Variants in CAMK2D observed in about 807,000 individuals in gnomAD.
The protein encoded by CAMK2D is calcium/calmodulin-dependent protein kinase type II subunit delta.
Under a neutral mutation model 84.0 loss-of-function variants are expected in CAMK2D, and 37 were observed. The ratio of observed to expected loss-of-function variants is 0.44; its 90% CI spans 0.34 to 0.58. The LOEUF (loss-of-function observed/expected upper bound fraction) is 0.58, where lower values mean the gene tolerates loss of function less well. CAMK2D is among the 20% of genes least tolerant of loss of function. CAMK2D has a pLI of 0.02. For synonymous variants in CAMK2D, 202 were observed against 212.5 expected, an observed-to-expected ratio of 0.95 and a Z score of 0.43; for missense variants, 448 against 652.5, an observed-to-expected ratio of 0.69 and a Z score of 3.41.
intron 2 of CAMK2D, among the ~76,000 whole-genome samples, chr4:113,730,593 G>A (rs1427813281): frequency 3.3e-5 from 5 of 152,116 alleles, no homozygotes; most frequent in Non-Finnish European, 7.4e-5. Context: ...AAACTACAAA[G>A]GAACCAAAAT....
At chr4:113,481,818 C>T (rs971145376) in intron 16 of CAMK2D, among the ~76,000 whole-genome samples, 5 of 152,080 alleles carry the variant, frequency 3.3e-5, no homozygotes, top group African/African-American at 1.2e-4. Context: ...AAAGATCTCA[C>T]AGAGAGGGTA....
intron 16 of CAMK2D, among the ~76,000 whole-genome samples, chr4:113,498,329 G>A (rs892877702): frequency 2.0e-5 from 3 of 152,110 alleles, no homozygotes; most frequent in Admixed American, 6.5e-5. Flanking sequence ...CAGTAAAAAT[G>A]ATGGGGCCTA....
chr4:113,731,801 G>T (rs57026829), intron 2 of CAMK2D, among the ~76,000 whole-genome samples: 4,523 of 152,142 alleles, frequency 0.03, 229 homozygotes, highest in African/African-American at 0.1. Flanking sequence ...GGTCAGGCTG[G>T]TCTCAAACTC....
At chr4:113,700,883 T>A (rs2099415640) in intron 2 of CAMK2D, among the ~76,000 whole-genome samples, 1 of 152,160 alleles carries the variant, frequency 6.6e-6, no homozygotes, top group Admixed American at 6.5e-5. Flanking sequence ...AGGAATAGAC[T>A]AAGGGAAAGG....
At chr4:113,616,813 A>G (rs2099023123) in intron 3 of CAMK2D, among the ~76,000 whole-genome samples, 1 of 152,186 alleles carries the variant, frequency 6.6e-6, no homozygotes, top group African/African-American at 2.4e-5. Context: ...TTAAGGGTAA[A>G]GTAAATAATA....
chr4:113,751,078 AG>A (rs1279723995), intron 2 of CAMK2D, among the ~76,000 whole-genome samples: 1 of 152,142 alleles, frequency 6.6e-6, no homozygotes, highest in Non-Finnish European at 1.5e-5. Context: ...GATGGTGAAA[AG>A]GAAGAAATGA....
chr4:113,736,735 G>A (rs1404138872), intron 2 of CAMK2D, among the ~76,000 whole-genome samples: 1 of 152,030 alleles, frequency 6.6e-6, no homozygotes, highest in Non-Finnish European at 1.5e-5. Context: ...CTAGTTAAGT[G>A]AAAAATAATT....
chr4:113,454,530 G>A lies in CAMK2D; in HGVS notation c.*30-15C>T. ...TTGAAATTTAGCTGAAAGGAGAAAG[G>A]GGGAGGAAGAAATAAATTATATTGT... is the stretch of plus-strand genomic sequence containing the variant. On this transcript the variant is annotated splice_polypyrimidine_tract_variant and intron_variant, in intron 20 of 20. Coordinates refer to ENST00000511664, the MANE Select transcript of CAMK2D (RefSeq NM_001321571.2). The A allele has an allele frequency of 5.1e-6, 4 of 778,132 alleles. No individual in the cohort carries two copies. The highest frequency in any genetic ancestry group is 2.4e-5 in the East Asian group (1 of 41,138). The allele number at this position is 778,132 out of a possible 1,614,324, so 48.2% of individuals were successfully genotyped here. A position where few individuals can be genotyped will look rare whatever the true frequency, so the allele number is the denominator to read the frequency against.
intron 2 of CAMK2D, among the ~76,000 whole-genome samples, chr4:113,721,016 C>T (rs1400150665): frequency 6.6e-6 from 1 of 152,066 alleles, no homozygotes; most frequent in East Asian, 1.9e-4. Context: ...CTGAAATACA[C>T]ATAAAAAACT....
intron 12 of CAMK2D, among the ~76,000 whole-genome samples, chr4:113,510,944 A>G (rs1302217596): frequency 6.6e-6 from 1 of 152,176 alleles, no homozygotes; most frequent in Non-Finnish European, 1.5e-5. Flanking sequence ...GGAGCTAAAA[A>G]GCAGTATTAA....
intron 4 of CAMK2D, among the ~76,000 whole-genome samples, chr4:113,572,231 A>G (rs1042026751): frequency 2.0e-5 from 3 of 152,210 alleles, no homozygotes; most frequent in South Asian, 2.1e-4. Flanking sequence ...TGTGTTGATA[A>G]AAATGTTGAG....
chr4:113,709,760 T>C (rs1217026706), intron 2 of CAMK2D, among the ~76,000 whole-genome samples: 2 of 113,476 alleles, frequency 1.8e-5, no homozygotes, highest in Non-Finnish European at 3.4e-5. Context: ...TATATATATA[T>C]ATATATATAT....
At chr4:113,554,199 A>T (rs570188604) in intron 4 of CAMK2D, among the ~76,000 whole-genome samples, 1 of 152,300 alleles carries the variant, frequency 6.6e-6, no homozygotes, top group South Asian at 2.1e-4. Context: ...CCTAGCATTA[A>T]TACATATTTG....
At position 113,453,346 on chromosome 4, in the gene CAMK2D, T is replaced by TC. The variant is rs2097271083; in HGVS notation, c.*1198dup. 1.3e-5 allele frequency: 2 copies of TC among 152,108 alleles called. No individual in the cohort carries two copies. The highest frequency in any genetic ancestry group is 4.1e-4 in the South Asian group (2 of 4,824). 9.4% of individuals were successfully genotyped at this position (152,108 alleles called of 1,614,324 possible). ...GATGATGCAGAAGTGACCCTTTCATTCCCCAAGGCGGAGGTGAGTGCGTTT... is the reference window on the plus strand; with the variant it reads ...GATGATGCAGAAGTGACCCTTTCATTCCCCCAAGGCGGAGGTGAGTGCGTTT... On this transcript the variant is annotated 3_prime_UTR_variant, in exon 21 of 21. Coordinates refer to ENST00000511664, the MANE Select transcript of CAMK2D (RefSeq NM_001321571.2).
At chr4:113,566,242 T>C (rs1428537546) in intron 4 of CAMK2D, among the ~76,000 whole-genome samples, 1 of 152,216 alleles carries the variant, frequency 6.6e-6, no homozygotes, top group East Asian at 1.9e-4. Flanking sequence ...AAACCATGTA[T>C]CTTCCTAAAG....
At chr4:113,605,715 G>A (rs530256412) in intron 4 of CAMK2D, among the ~76,000 whole-genome samples, 17 of 152,164 alleles carry the variant, frequency 1.1e-4, no homozygotes, top group South Asian at 8.3e-4. Flanking sequence ...AAATCCCTGC[G>A]TTCCAATAAC....
intron 12 of CAMK2D, chr4:113,513,043 G>T: frequency 3.9e-6 from 1 of 257,140 alleles, no homozygotes; most frequent in Non-Finnish European, 6.1e-6. Context: ...GCGCACCCCA[G>T]CACTTGACAG....
intron 1 of CAMK2D, among the ~76,000 whole-genome samples, chr4:113,760,068 A>G (rs2099637241): frequency 2.6e-5 from 4 of 152,332 alleles, no homozygotes; most frequent in Admixed American, 2.0e-4. Context: ...AACAACATAC[A>G]TATAAACGCA....
At chr4:113,627,457 C>T (rs1026628545) in intron 3 of CAMK2D, among the ~76,000 whole-genome samples, 2 of 152,138 alleles carry the variant, frequency 1.3e-5, no homozygotes, top group African/African-American at 2.4e-5. Context: ...TTTCTGTCAA[C>T]TAATCAATAT....
Sources: gnomAD v4.1 joint callset for allele counts (sites outside exome capture counted in the v4.1 genomes callset) on GRCh38, gnomAD v4.1.1 for gene constraint, MANE v1.5 for transcripts, NCBI Gene and HGNC (gene_info 2026-07-23, HGNC 2026-07-21) for gene names.